The following RBFOX1 variants were observed in gnomAD, a reference collection of about 807,000 sequenced individuals.
The protein encoded by RBFOX1 is RNA binding fox-1 homolog 1.
RBFOX1 carries 8 observed loss-of-function variants against 57.7 expected under a neutral mutation model. The observed-to-expected ratio is 0.14, with a 90% CI of 0.08 to 0.25. RBFOX1 has a LOEUF of 0.25. Among genes scored for constraint, RBFOX1 ranks in the 10% least tolerant of loss-of-function variants. RBFOX1 has a pLI of 1.00. For missense variants in RBFOX1, 611 were observed against 548.5 expected, an observed-to-expected ratio of 1.11 and a Z score of -1.14; for synonymous variants, 326 against 222.4, an observed-to-expected ratio of 1.47 and a Z score of -4.15.
chr16:6,827,189 G>A (rs2092260694), intron 3 of RBFOX1, among the ~76,000 whole-genome samples: 1 of 133,558 alleles, frequency 7.5e-6, no homozygotes. Flanking sequence ...TAAATCCATT[G>A]TATTAGAGGT....
chr16:6,156,064 C>G (rs577371500), intron 1 of RBFOX1, among the ~76,000 whole-genome samples: 1 of 152,278 alleles, frequency 6.6e-6, no homozygotes, highest in African/African-American at 2.4e-5. Context: ...CCTGAAGCCA[C>G]AGAAGCAGGG....
chr16:7,331,413 C>T (rs1052915251), intron 4 of RBFOX1, among the ~76,000 whole-genome samples: 1 of 152,122 alleles, frequency 6.6e-6, no homozygotes, highest in Non-Finnish European at 1.5e-5. Flanking sequence ...TTCATCAGAA[C>T]TTCATATTAT....
chr16:5,863,326 C>T (rs1255059124), intron 3 of RBFOX1, among the ~76,000 whole-genome samples: 1 of 152,208 alleles, frequency 6.6e-6, no homozygotes, highest in Non-Finnish European at 1.5e-5. Flanking sequence ...GTTTTGCACC[C>T]TGCGCTGGTC....
At chr16:6,775,657 T>G (rs1250919154) in intron 3 of RBFOX1, 3 of 152,118 alleles carry the variant, frequency 2.0e-5, no homozygotes, top group African/African-American at 7.2e-5. Context: ...GAAAGTGAAT[T>G]TGGGAGCTTC....
intron 4 of RBFOX1, among the ~76,000 whole-genome samples, chr16:7,266,579 C>T (rs779892074): frequency 7.2e-5 from 11 of 152,180 alleles, no homozygotes; most frequent in Non-Finnish European, 1.5e-4. Context: ...CTCACCAAAG[C>T]TCTATCTCTG....
intron 4 of RBFOX1, among the ~76,000 whole-genome samples, chr16:7,087,998 C>G (rs2151045396): frequency 6.6e-6 from 1 of 152,268 alleles, no homozygotes; most frequent in South Asian, 2.1e-4. Context: ...GGTGATTATA[C>G]TTGTGGCAGA....
intron 4 of RBFOX1, among the ~76,000 whole-genome samples, chr16:5,906,729 T>G (rs1028830296): frequency 1.7e-5 from 2 of 120,632 alleles, no homozygotes; most frequent in African/African-American, 3.9e-5. Flanking sequence ...CCTAGATTCT[T>G]TTTTTTTTTT....
At chr16:7,156,653 C>T (rs1310053536) in intron 4 of RBFOX1, among the ~76,000 whole-genome samples, 2 of 152,036 alleles carry the variant, frequency 1.3e-5, no homozygotes, top group African/African-American at 4.8e-5. Context: ...TAATACACTA[C>T]ATTTAATTTT....
At chr16:7,140,288 T>A (rs1377845735) in intron 4 of RBFOX1, among the ~76,000 whole-genome samples, 11 of 90,682 alleles carry the variant, frequency 1.2e-4, no homozygotes, top group African/African-American at 3.4e-4. Context: ...TTTTTTTTTT[T>A]AGTTTTTTAA....
chr16:6,781,295 A>G (rs1338996841), intron 3 of RBFOX1, among the ~76,000 whole-genome samples: 1 of 152,106 alleles, frequency 6.6e-6, no homozygotes, highest in Non-Finnish European at 1.5e-5. Flanking sequence ...GATCATGATG[A>G]ATGATCTTTT....
At chr16:6,895,256 C>G (rs1229083957) in intron 3 of RBFOX1, among the ~76,000 whole-genome samples, 2 of 151,350 alleles carry the variant, frequency 1.3e-5, no homozygotes, top group African/African-American at 2.4e-5. Flanking sequence ...ATGTATATCC[C>G]CAGTGGTTCC....
chr16:5,705,822 A>G (rs12444485), intron 3 of RBFOX1, among the ~76,000 whole-genome samples: 82,850 of 152,180 alleles, frequency 0.54, 26,139 homozygotes, highest in Non-Finnish European at 0.72. Flanking sequence ...GCTTATTATC[A>G]TATCCGTAGT....
At chr16:5,616,965 T>G (rs2048046291) in intron 3 of RBFOX1, among the ~76,000 whole-genome samples, 1 of 150,482 alleles carries the variant, frequency 6.6e-6, no homozygotes, top group South Asian at 2.1e-4. Flanking sequence ...TTATTGGCAG[T>G]ACCCTTATTT....
chr16:6,809,224 C>G (rs2087769177), intron 3 of RBFOX1, among the ~76,000 whole-genome samples: 1 of 152,184 alleles, frequency 6.6e-6, no homozygotes, highest in Non-Finnish European at 1.5e-5. Flanking sequence ...GCTGGAGTCT[C>G]TGAATCTCAT....
At chr16:5,797,411 A>G (rs552632749) in intron 3 of RBFOX1, among the ~76,000 whole-genome samples, 1 of 152,248 alleles carries the variant, frequency 6.6e-6, no homozygotes, top group Admixed American at 6.5e-5. Flanking sequence ...GTCACTCCCT[A>G]CTTGATTTTC....
chr16:7,557,181 C>T (rs1343748895), intron 5 of RBFOX1, among the ~76,000 whole-genome samples: 4 of 152,140 alleles, frequency 2.6e-5, no homozygotes, highest in Non-Finnish European at 5.9e-5. Context: ...TCACGTGCTA[C>T]TCATGGGGCC....
chr16:7,064,765 A>G (rs1451988878), intron 4 of RBFOX1, among the ~76,000 whole-genome samples: 1 of 152,172 alleles, frequency 6.6e-6, no homozygotes, highest in Non-Finnish European at 1.5e-5. Context: ...TGAACAACCA[A>G]CTAACCAACA....
At chr16:6,933,739 A>T (rs1401628003) in intron 3 of RBFOX1, among the ~76,000 whole-genome samples, 7 of 152,208 alleles carry the variant, frequency 4.6e-5, no homozygotes, top group Non-Finnish European at 7.4e-5. Flanking sequence ...AAATTGGAAG[A>T]ATTTAAAAGG....
chr16:5,304,361 C>T (rs1236097873), intron 1 of RBFOX1, among the ~76,000 whole-genome samples: 1 of 152,172 alleles, frequency 6.6e-6, no homozygotes, highest in Non-Finnish European at 1.5e-5. Context: ...TTCTATAATC[C>T]TCCCATATTT....
Sources: allele counts gnomAD v4.1 joint callset (sites outside exome capture counted in the v4.1 genomes callset), GRCh38; gene constraint gnomAD v4.1.1; transcripts MANE v1.5; gene names NCBI Gene and HGNC (gene_info 2026-07-23, HGNC 2026-07-21).